SYNE1: variants seen among roughly 807,000 people sequenced by gnomAD.
SYNE1 encodes nesprin-1.
A neutral mutation model predicts 1,111.0 loss-of-function variants in SYNE1; 616 were observed. That is an observed-to-expected ratio of 0.55 (90% CI 0.52 to 0.59). SYNE1 has a LOEUF of 0.59. Ranked by LOEUF, SYNE1 falls within the 20% of genes least tolerant of loss-of-function variation. The probability of loss-of-function intolerance (pLI) is 0.00; values close to 1 mark genes in which losing one functional copy is unlikely to be tolerated. For missense variants in SYNE1, 10,006 were observed against 10,417.0 expected (o/e 0.96, Z 1.72); for synonymous variants, 3,855 against 3,825.8 (o/e 1.01, Z -0.28).
At chr6:152,448,929 T>C (rs1741076039) in intron 28 of SYNE1, among the ~76,000 whole-genome samples, 1 of 152,176 alleles carries the variant, frequency 6.6e-6, no homozygotes, top group Admixed American at 6.5e-5. Context: ...ATGTGGCAAC[T>C]TTGTGATGTG....
chr6:152,220,908 C>T lies in SYNE1; in HGVS notation c.21795G>A (p.Leu7265=), dbSNP rs199830190. The change falls in exon 119 of 146, where the codon CTG becomes CTA. Residue 7265 remains leucine, a synonymous_variant. Coordinates refer to ENST00000367255, the MANE Select transcript of SYNE1 (RefSeq NM_182961.4). ...TGTCCTTGTTTGTGGCTGCCTTCAA[C>T]AGCTCATTGGTTCGATCCTCCTGCT... The part of the protein sequence containing the change: ...VQQQEDRTNE[L]LKAATNKDIA... The T allele has an allele frequency of 8.1e-6, 13 of 1,614,156 alleles. No homozygotes were observed. The East Asian group carries it at 2.7e-4, about 33-fold the overall frequency.
chr6:152,207,826 A>G (rs1291422073), intron 125 of SYNE1, 146 bp downstream of exon 125: 2 of 823,498 alleles, frequency 2.4e-6, no homozygotes, highest in South Asian at 1.5e-5. Flanking sequence ...TATTGCAATC[A>G]TTTTGTATAT....
At chr6:152,242,815 C>A (rs2086066706) in intron 106 of SYNE1, among the ~76,000 whole-genome samples, 1 of 151,642 alleles carries the variant, frequency 6.6e-6, no homozygotes, top group Non-Finnish European at 1.5e-5. Flanking sequence ...TGAAAAAAAA[C>A]TGAATTCATA....
At chr6:152,133,816 T>G in intron 142 of SYNE1, 1 of 309,090 alleles carries the variant, frequency 3.2e-6, no homozygotes, top group South Asian at 3.9e-5. Flanking sequence ...TAAGATAATC[T>G]TTTAAACAGA....
At position 152,344,194 on chromosome 6, in the gene SYNE1, G is replaced by C; in HGVS notation, c.12112C>G (p.His4038Asp). ...YQSLEHELQK[H>D]VSRQDTLQQC... Reference sequence around the variant, plus strand: ...TGCAGGGTGTCTTGTCGGCTGACGTGCTTCTGAAGTTCGTGTTCCAAACTC... The same window carrying C: ...TGCAGGGTGTCTTGTCGGCTGACGTCCTTCTGAAGTTCGTGTTCCAAACTC... Residue 4038 changes from histidine to aspartate, a missense_variant, in exon 74 of 146, where the codon CAC becomes GAC. His to Asp is a moderately conservative substitution (Grantham distance 81). This residue lies in a region of SYNE1 where 4,955 missense variants were observed against 5,017.2 expected (regional missense o/e 0.99). Transcript: ENST00000367255. 6.2e-7 allele frequency: 1 copy of C among 1,614,200 alleles called. No individual in the cohort carries two copies. Among genetic ancestry groups the C allele is most frequent in the Non-Finnish European group, 8.5e-7 (1 of 1,180,040 alleles).
intron 55 of SYNE1, 57 bp from the exon 56 acceptor site, chr6:152,381,419 G>A (rs984255309): frequency 2.6e-6 from 4 of 1,563,042 alleles, no homozygotes; most frequent in Admixed American, 3.3e-5. Context: ...TGGACTGCAA[G>A]TTTTCAACTG....
intron 122 of SYNE1, among the ~76,000 whole-genome samples, 196 bp from the exon 123 acceptor site, chr6:152,213,955 CT>C (rs2078051470): frequency 6.6e-6 from 1 of 152,122 alleles, no homozygotes; most frequent in Non-Finnish European, 1.5e-5. Context: ...AATCCCAACA[CT>C]TTGGGAGACT....
chr6:152,328,279 C>T (rs2096136108), intron 78 of SYNE1, among the ~76,000 whole-genome samples: 1 of 152,136 alleles, frequency 6.6e-6, no homozygotes, highest in Admixed American at 6.6e-5. Context: ...GGTTGGTTGA[C>T]ATCTCCTAGA....
chr6:152,267,979 T>C (rs999531696), intron 100 of SYNE1, 77 bp downstream of exon 100: 2 of 1,326,050 alleles, frequency 1.5e-6, no homozygotes, highest in African/African-American at 2.9e-5. Flanking sequence ...AAAATAAAAT[T>C]TTGAGTGAGA....
intron 87 of SYNE1, among the ~76,000 whole-genome samples, chr6:152,314,948 C>T (rs368278154): frequency 2.9e-5 from 4 of 136,066 alleles, no homozygotes; most frequent in East Asian, 4.7e-4. Context: ...GCTGAGATCA[C>T]GCCACTGAGC....
At position 152,155,915 on chromosome 6, in the gene SYNE1, C is replaced by T; in HGVS notation, c.23973G>A (p.Arg7991=). The change falls in exon 132 of 146, where the codon AGG becomes AGA. Residue 7991 remains arginine, a synonymous_variant. Transcript: ENST00000367255. ...GTTTCAGCATCCCAGCTCACTTCAG[C>T]CTCCTTTCCATGGACATAGCACAAA... ...RNICAMSMER[R]LKIEETWRLW... 1 of 1,614,012 alleles carries T rather than the reference C, an allele frequency of 6.2e-7. No individual in the cohort carries two copies. The highest frequency in any genetic ancestry group is 2.2e-5 in the East Asian group (1 of 44,874).
intron 62 of SYNE1, among the ~76,000 whole-genome samples, chr6:152,365,403 T>C (rs2097054140): frequency 6.6e-6 from 1 of 152,172 alleles, no homozygotes; most frequent in African/African-American, 2.4e-5. Context: ...TAGAAATAGA[T>C]TATATATTTC....
intron 130 of SYNE1, 79 bp from the exon 131 acceptor site, chr6:152,164,404 G>A (rs2063192259): frequency 6.5e-7 from 1 of 1,541,942 alleles, no homozygotes; most frequent in Non-Finnish European, 8.9e-7. Context: ...GGAGAACACT[G>A]GGCTTTAACA....
chr6:152,591,930 C>G (rs1215059092), intron 3 of SYNE1, among the ~76,000 whole-genome samples: 1 of 152,150 alleles, frequency 6.6e-6, no homozygotes, highest in Non-Finnish European at 1.5e-5. Context: ...TGCTCAACAT[C>G]ATTAATCATC....
intron 97 of SYNE1, among the ~76,000 whole-genome samples, chr6:152,279,604 G>A (rs916414838): frequency 8.6e-5 from 13 of 151,516 alleles, no homozygotes; most frequent in African/African-American, 2.9e-4. Context: ...TGTACTCCCC[G>A]CACTTGCGGG....
At chr6:152,276,571 T>C (rs979490598) in intron 98 of SYNE1, among the ~76,000 whole-genome samples, 4 of 150,212 alleles carry the variant, frequency 2.7e-5, no homozygotes, top group African/African-American at 9.9e-5. Context: ...ACAGAAGCAA[T>C]CACAGTGAAC....
intron 74 of SYNE1, among the ~76,000 whole-genome samples, chr6:152,343,182 T>G (rs1427923773): frequency 2.0e-5 from 3 of 149,920 alleles, no homozygotes; most frequent in South Asian, 2.1e-4. Context: ...AGACAGAGTC[T>G]CACTCTGGTG....
In SYNE1 at chr6:152,148,016, G is replaced by T. The variant is rs943436839; in HGVS notation, c.24976+29C>A. The T allele has an allele frequency of 1.3e-6, 2 of 1,597,476 alleles. No individual in the cohort carries two copies. Among genetic ancestry groups the T allele is most frequent in the Non-Finnish European group, 8.6e-7 (1 of 1,166,724 alleles). On this transcript the variant is annotated intron_variant, in intron 137 of 145. Transcript: ENST00000367255. This position sits in a 1 kb window ranked among gnomAD's most constrained non-coding sequence, Gnocchi z 4.1. The stretch of plus-strand genomic sequence containing the variant: ...TTAATTCCCTCTGACTTTCCTTTAA[G>T]CTGGCAAACTGGAGAGGCTCTTTCC...
chr6:152,437,319 C>T (rs2098482786), intron 32 of SYNE1, among the ~76,000 whole-genome samples: 1 of 152,148 alleles, frequency 6.6e-6, no homozygotes, highest in South Asian at 2.1e-4. Context: ...GGGCTAGAAT[C>T]CAGGATCACT....
Sources: allele counts gnomAD v4.1 joint callset (sites outside exome capture counted in the v4.1 genomes callset), GRCh38; gene constraint gnomAD v4.1.1; regional missense constraint gnomAD v4.1.1; non-coding constraint Gnocchi (gnomAD v3.1); transcripts MANE v1.5; gene names NCBI Gene and HGNC (gene_info 2026-07-23, HGNC 2026-07-21).